SUSD4: variants seen among roughly 807,000 people sequenced by gnomAD.
SUSD4 encodes the protein sushi domain containing 4.
SUSD4 carries 41 observed loss-of-function variants against 50.5 expected under a neutral mutation model. The observed-to-expected ratio is 0.81, with a 90% CI of 0.63 to 1.05. SUSD4 has a LOEUF of 1.05. Among genes scored for constraint, SUSD4 ranks in the 50% least tolerant of loss-of-function variants. SUSD4 has a pLI of 0.00. For missense variants in SUSD4, 580 were observed against 634.7 expected (o/e 0.91, Z 0.93); for synonymous variants, 257 against 257.3 (o/e 1.00, Z 0.01).
intron 2 of SUSD4, among the ~76,000 whole-genome samples, chr1:223,335,374 A>C (rs1667401670): frequency 6.6e-6 from 1 of 152,140 alleles, no homozygotes; most frequent in Admixed American, 6.5e-5. Context: ...ATGATTTTTA[A>C]CCTAAAATGC....
intron 5 of SUSD4, among the ~76,000 whole-genome samples, chr1:223,254,264 G>A (rs766628310): frequency 2.0e-5 from 3 of 152,280 alleles, no homozygotes; most frequent in Admixed American, 6.5e-5. Context: ...TTGATTTGGC[G>A]GGAGAGGTAG....
intron 7 of SUSD4, among the ~76,000 whole-genome samples, chr1:223,226,640 C>A (rs911508251): frequency 6.6e-6 from 1 of 152,216 alleles, no homozygotes; most frequent in African/African-American, 2.4e-5. Context: ...GAGCCTCCTC[C>A]TCCATGAGCA....
intron 3 of SUSD4, 22 bp from the exon 4 acceptor site, chr1:223,268,697 A>G: frequency 6.3e-7 from 1 of 1,598,994 alleles, no homozygotes; most frequent in Non-Finnish European, 8.5e-7. Context: ...TAAAAGGTAC[A>G]CATTATTTTT....
At chr1:223,244,235 GGT>G (rs1319120742) in intron 5 of SUSD4, among the ~76,000 whole-genome samples, 2 of 152,208 alleles carry the variant, frequency 1.3e-5, no homozygotes, top group Non-Finnish European at 2.9e-5. Flanking sequence ...AGCATATGCT[GGT>G]ACTAGCAGGG....
At chr1:223,271,483 G>C (rs970724911) in intron 3 of SUSD4, among the ~76,000 whole-genome samples, 1 of 152,176 alleles carries the variant, frequency 6.6e-6, no homozygotes, top group African/African-American at 2.4e-5. Flanking sequence ...TGAAAGAAGA[G>C]TCACCATAGG....
intron 5 of SUSD4, among the ~76,000 whole-genome samples, chr1:223,250,056 T>C (rs1334454533): frequency 6.6e-6 from 1 of 152,244 alleles, no homozygotes; most frequent in Non-Finnish European, 1.5e-5. Flanking sequence ...TGCACTTTCC[T>C]GGGTTCACAT....
intron 3 of SUSD4, among the ~76,000 whole-genome samples, chr1:223,282,729 G>GA (rs750726721): frequency 3.9e-5 from 6 of 152,020 alleles, no homozygotes; most frequent in Admixed American, 6.6e-5. Context: ...CACAGAATTG[G>GA]AAAAAACTAC....
chr1:223,350,850 C>T (rs1372439230), intron 2 of SUSD4, among the ~76,000 whole-genome samples: 4 of 152,140 alleles, frequency 2.6e-5, no homozygotes. Context: ...GTCCTTCCCA[C>T]ATTTGTAACT....
chr1:223,337,635 C>G (rs910598577), intron 2 of SUSD4, among the ~76,000 whole-genome samples: 3 of 152,214 alleles, frequency 2.0e-5, no homozygotes, highest in African/African-American at 7.2e-5. Flanking sequence ...AGCCCAGACT[C>G]CAGTGCCTGC....
Position 223,292,656 on chromosome 1 carries a change from A to G in SUSD4, c.149-5T>C, listed in dbSNP as rs140837660. 75 of 1,613,280 alleles carry G rather than the reference A, an allele frequency of 4.6e-5. No homozygotes were observed. In the East Asian group the frequency reaches 1.6e-3, roughly 35 times the overall value. ...ACACTTGAAGGTCATCGAACCCTACATCAACAAAGAGAGGAAAAGGTGCCT... is the reference window on the plus strand; with the variant it reads ...ACACTTGAAGGTCATCGAACCCTACGTCAACAAAGAGAGGAAAAGGTGCCT... On this transcript the variant is annotated splice_polypyrimidine_tract_variant and splice_region_variant and intron_variant, in intron 2 of 8. Transcript: ENST00000366878.
chr1:223,360,506 A>C (rs1668914468), intron 2 of SUSD4, among the ~76,000 whole-genome samples: 1 of 152,328 alleles, frequency 6.6e-6, no homozygotes, highest in South Asian at 2.1e-4. Flanking sequence ...TCTCAGGACA[A>C]GTCAGGCTCA....
chr1:223,289,236 C>T (rs571960065), intron 3 of SUSD4: 1 of 985,434 alleles, frequency 1.0e-6, no homozygotes, highest in East Asian at 1.1e-4. Context: ...GACATTTTCA[C>T]CCATGCTTGG....
At chr1:223,364,475 G>C (rs1281044317), upstream of SUSD4, among the ~76,000 whole-genome samples, 4 of 148,760 alleles carry the variant, frequency 2.7e-5, no homozygotes, top group East Asian at 7.9e-4. This position sits in a 1 kb window ranked among gnomAD's most constrained non-coding sequence, Gnocchi z 4.5. Flanking sequence ...GCGGGGACGG[G>C]GAAAGGGGCC....
Position 223,227,944 on chromosome 1 carries a change from C to T in SUSD4, c.917-206G>A, listed in dbSNP as rs117286632. On this transcript the variant is annotated intron_variant, in intron 6 of 8. Transcript: ENST00000366878. This position sits in a 1 kb window ranked among gnomAD's most constrained non-coding sequence, Gnocchi z 4.5. ...CCACCCAACACTAAAAACCTGTCTCCAGCATGGGCTCTGCCAGGTTGCAGA... is the reference window on the plus strand; with the variant it reads ...CCACCCAACACTAAAAACCTGTCTCTAGCATGGGCTCTGCCAGGTTGCAGA... Among the ~76,000 whole-genome samples, 1 of 152,216 alleles carries T rather than the reference C, an allele frequency of 6.6e-6. No individual in the cohort carries two copies. Among genetic ancestry groups the T allele is most frequent in the Non-Finnish European group, 1.5e-5 (1 of 68,026 alleles).
At chr1:223,283,433 T>A (rs926066214) in intron 3 of SUSD4, among the ~76,000 whole-genome samples, 16 of 152,140 alleles carry the variant, frequency 1.1e-4, no homozygotes, top group Non-Finnish European at 2.1e-4. Context: ...TATGAACAGA[T>A]ACTTCTCAAA....
intron 5 of SUSD4, among the ~76,000 whole-genome samples, chr1:223,233,786 G>A (rs1008492261): frequency 3.3e-5 from 5 of 152,170 alleles, no homozygotes; most frequent in Non-Finnish European, 7.3e-5. Context: ...AACACACCCA[G>A]GGAAAACCTG....
intron 6 of SUSD4, among the ~76,000 whole-genome samples, chr1:223,228,356 C>T (rs1334809112): frequency 6.6e-6 from 1 of 152,236 alleles, no homozygotes; most frequent in Non-Finnish European, 1.5e-5. Context: ...TCTCTTTGCA[C>T]TTCTCCCCCG....
chr1:223,298,887 C>T (rs140396336), intron 2 of SUSD4, among the ~76,000 whole-genome samples: 82 of 152,326 alleles, frequency 5.4e-4, no homozygotes, highest in African/African-American at 1.5e-3. Context: ...TAGTTAACCT[C>T]TGACTGTTTA....
At chr1:223,276,888 T>A (rs17161990) in intron 3 of SUSD4, among the ~76,000 whole-genome samples, 8,628 of 151,558 alleles carry the variant, frequency 0.057, 357 homozygotes, top group East Asian at 0.12. Flanking sequence ...AAATTTTAGA[T>A]GATAGAGAAT....
Sources: gnomAD v4.1 joint callset for allele counts (sites outside exome capture counted in the v4.1 genomes callset) on GRCh38, gnomAD v4.1.1 for gene constraint, Gnocchi (gnomAD v3.1) non-coding constraint, MANE v1.5 for transcripts, NCBI Gene and HGNC (gene_info 2026-07-23, HGNC 2026-07-21) for gene names.